AOPEP: variants seen among roughly 807,000 people sequenced by gnomAD.
The protein encoded by AOPEP is aminopeptidase O.
Under a neutral mutation model 98.1 loss-of-function variants are expected in AOPEP, and 77 were observed. That is an observed-to-expected ratio of 0.78 (90% confidence interval 0.65 to 0.95). AOPEP has a LOEUF of 0.95. AOPEP is among the 40% of genes least tolerant of loss of function. The probability of loss-of-function intolerance (pLI) is 0.00; values close to 1 mark genes in which losing one functional copy is unlikely to be tolerated. For missense variants in AOPEP, 1,024 were observed against 1,024.7 expected (o/e 1.00, Z 0.01); for synonymous variants, 346 against 365.3 (o/e 0.95, Z 0.60).
At chr9:95,081,247 G>T (rs537080946) in intron 15 of AOPEP, among the ~76,000 whole-genome samples, 3 of 152,210 alleles carry the variant, frequency 2.0e-5, no homozygotes, top group Admixed American at 6.5e-5. Context: ...GTTCACCAGG[G>T]ACAGCAGTCA....
chr9:94,910,293 C>T (rs756597394), intron 5 of AOPEP, among the ~76,000 whole-genome samples: 1 of 152,206 alleles, frequency 6.6e-6, no homozygotes, highest in African/African-American at 2.4e-5. Flanking sequence ...AGGGTACTCT[C>T]TCTTACCCTG....
chr9:95,147,831 G>A, the AOPEP span, among the ~76,000 whole-genome samples: 4 of 152,168 alleles, frequency 2.6e-5, no homozygotes, highest in African/African-American at 9.7e-5. Context: ...CTGTACTTCT[G>A]CCTTACAATA....
intron 1 of AOPEP, among the ~76,000 whole-genome samples, chr9:94,734,394 TGGG>T (rs1211122051): frequency 1.3e-5 from 2 of 152,090 alleles, no homozygotes; most frequent in Non-Finnish European, 2.9e-5. Context: ...GGCCAGCAAT[TGGG>T]GGAGGGATAA....
intron 13 of AOPEP, among the ~76,000 whole-genome samples, chr9:95,008,400 C>T (rs4744423): frequency 0.76 from 114,834 of 152,094 alleles, 45,969 homozygotes; most frequent in Non-Finnish European, 0.89. Context: ...AAACAGTGCT[C>T]TAGTGAGAGG....
intron 13 of AOPEP, among the ~76,000 whole-genome samples, chr9:95,050,355 A>C (rs1486442087): frequency 4.6e-5 from 7 of 152,198 alleles, no homozygotes; most frequent in Non-Finnish European, 7.3e-5. Context: ...TTACATGTCC[A>C]AGAGGCTGTT....
chr9:95,084,500 A>G (rs2070347530), intron 16 of AOPEP, among the ~76,000 whole-genome samples: 2 of 152,288 alleles, frequency 1.3e-5, no homozygotes, highest in Admixed American at 6.5e-5. Flanking sequence ...CCGGCCTCAT[A>G]ATAGTAATCA....
At chr9:94,890,962 G>T (rs1277833272) in intron 5 of AOPEP, among the ~76,000 whole-genome samples, 1 of 152,198 alleles carries the variant, frequency 6.6e-6, no homozygotes, top group African/African-American at 2.4e-5. Context: ...ATTTGATCTT[G>T]TTGGTTGATG....
At chr9:94,775,041 A>G (rs1323165009) in intron 3 of AOPEP, among the ~76,000 whole-genome samples, 2 of 152,128 alleles carry the variant, frequency 1.3e-5, no homozygotes, top group East Asian at 1.9e-4. Context: ...TTAAAAAAAG[A>G]TATTAATTTC....
rs2064308753 is a variant in AOPEP, at chr9:95,031,616, A to G, written c.2115+26000A>G. Among the ~76,000 whole-genome samples the G allele has an allele frequency of 2.0e-5, 3 of 152,326 alleles. No homozygotes were observed. In the South Asian group the frequency reaches 6.2e-4, roughly 32 times the overall value. ...CAGAACTGCACACTTTTGCAGATCA[A>G]AGGGGGCTGTTGGATTTTACTACTC... On this transcript the variant is annotated intron_variant, in intron 13 of 16. Transcript: ENST00000375315.
chr9:95,051,986 A>G (rs2066417033), intron 13 of AOPEP, among the ~76,000 whole-genome samples: 1 of 152,180 alleles, frequency 6.6e-6, no homozygotes, highest in South Asian at 2.1e-4. Flanking sequence ...TACAGGCGTG[A>G]GCCACCGTGC....
intron 5 of AOPEP, among the ~76,000 whole-genome samples, chr9:94,888,317 G>GTGTGTGTGTGTT (rs2048465629): frequency 6.6e-6 from 1 of 151,772 alleles, no homozygotes; most frequent in Non-Finnish European, 1.5e-5. Flanking sequence ...GTGTGTGTGT[G>GTGTGTGTGTGTT]TGTGTGTGTG....
At chr9:94,803,771 C>T (rs1415174530) in intron 5 of AOPEP, among the ~76,000 whole-genome samples, 1 of 152,172 alleles carries the variant, frequency 6.6e-6, no homozygotes, top group Non-Finnish European at 1.5e-5. Flanking sequence ...GGTCCTTTTC[C>T]AAATCACTGT....
chr9:94,770,833 T>C (rs184086346), intron 2 of AOPEP, among the ~76,000 whole-genome samples: 5 of 152,176 alleles, frequency 3.3e-5, no homozygotes, highest in Non-Finnish European at 7.4e-5. Flanking sequence ...ACAGGTCTGT[T>C]TGGGCACACA....
intron 5 of AOPEP, among the ~76,000 whole-genome samples, chr9:94,822,258 C>T (rs767791892): frequency 6.6e-6 from 1 of 152,182 alleles, no homozygotes; most frequent in Non-Finnish European, 1.5e-5. Context: ...TTGTTAGAAG[C>T]TGAAACAGCA....
chr9:95,013,448 C>T (rs1439696759), intron 13 of AOPEP, among the ~76,000 whole-genome samples: 1 of 146,210 alleles, frequency 6.8e-6, no homozygotes, highest in African/African-American at 2.5e-5. Context: ...GTAAGACAGT[C>T]GGCCGGAGGA....
intron 7 of AOPEP, chr9:94,933,701 G>A (rs916823168): frequency 7.1e-6 from 7 of 980,010 alleles, no homozygotes; most frequent in African/African-American, 5.3e-5. Context: ...GATGCCTACT[G>A]TACATTCCAC....
the AOPEP span, among the ~76,000 whole-genome samples, chr9:95,109,951 C>T: frequency 1.3e-5 from 2 of 152,232 alleles, no homozygotes; most frequent in African/African-American, 4.8e-5. Context: ...CAGGACGCCA[C>T]ATACACCAAT....
chr9:94,965,425 GGACTGT>G (rs1315609095), intron 9 of AOPEP, among the ~76,000 whole-genome samples: 9 of 152,226 alleles, frequency 5.9e-5, no homozygotes, highest in African/African-American at 2.2e-4. Flanking sequence ...CGGAAGAAAT[GGACTGT>G]GACCACCCAT....
At chr9:94,984,790 C>T (rs1177922748) in intron 11 of AOPEP, among the ~76,000 whole-genome samples, 3 of 152,118 alleles carry the variant, frequency 2.0e-5, no homozygotes, top group Non-Finnish European at 4.4e-5. Context: ...TGCATAATGC[C>T]TTAAAGTCAC....
Sources: gnomAD v4.1 joint callset for allele counts (sites outside exome capture counted in the v4.1 genomes callset) on GRCh38, gnomAD v4.1.1 for gene constraint, MANE v1.5 for transcripts, NCBI Gene and HGNC (gene_info 2026-07-23, HGNC 2026-07-21) for gene names.